The following SNTG1 variants were observed in gnomAD, a reference collection of about 807,000 sequenced individuals.
SNTG1 encodes the protein gamma-1-syntrophin.
Under a neutral mutation model 74.7 loss-of-function variants are expected in SNTG1, and 39 were observed. That is an observed-to-expected ratio of 0.52 (90% CI 0.40 to 0.68). The LOEUF is 0.68. SNTG1 is among the 30% of genes least tolerant of loss of function. SNTG1 has a pLI of 0.00. For synonymous variants in SNTG1, 254 were observed against 217.1 expected (o/e 1.17, Z -1.49); for missense variants, 685 against 609.5 (o/e 1.12, Z -1.30).
intron 12 of SNTG1, among the ~76,000 whole-genome samples, chr8:50,555,351 G>A (rs1358050938): frequency 6.6e-6 from 1 of 152,106 alleles, no homozygotes; most frequent in Non-Finnish European, 1.5e-5. Flanking sequence ...TTCTGATATG[G>A]AAAGTACTAC....
chr8:50,144,126 T>C (rs1174198830), intron 1 of SNTG1, among the ~76,000 whole-genome samples: 1 of 152,126 alleles, frequency 6.6e-6, no homozygotes, highest in Non-Finnish European at 1.5e-5. Context: ...GAAAATTTCA[T>C]CCGATTGAAT....
chr8:50,072,238 T>C (rs1225037858), intron 1 of SNTG1, among the ~76,000 whole-genome samples: 5 of 152,170 alleles, frequency 3.3e-5, no homozygotes, highest in Non-Finnish European at 5.9e-5. Context: ...AGAGGAAAAA[T>C]AGTAACTGCT....
At chr8:50,198,990 A>G (rs2065601940) in intron 2 of SNTG1, among the ~76,000 whole-genome samples, 1 of 152,242 alleles carries the variant, frequency 6.6e-6, no homozygotes, top group South Asian at 2.1e-4. Flanking sequence ...ACAGGGAATT[A>G]GTACTGAATA....
intron 4 of SNTG1, among the ~76,000 whole-genome samples, chr8:50,423,804 A>C (rs1411830920): frequency 6.6e-6 from 1 of 152,258 alleles, no homozygotes; most frequent in Admixed American, 6.5e-5. Context: ...TTGGCCAAAA[A>C]ATGTGATGAG....
At chr8:50,399,299 C>G (rs967475284) in intron 3 of SNTG1, among the ~76,000 whole-genome samples, 33 of 152,072 alleles carry the variant, frequency 2.2e-4, no homozygotes, top group Non-Finnish European at 4.0e-4. Context: ...CTTTCAGAAC[C>G]CAAAAGCGAG....
At chr8:50,557,262 A>T (rs1332367643) in intron 12 of SNTG1, among the ~76,000 whole-genome samples, 1 of 151,694 alleles carries the variant, frequency 6.6e-6, no homozygotes, top group African/African-American at 2.4e-5. Flanking sequence ...CAGCTATGCC[A>T]CATGTGGACT....
At chr8:50,004,822 A>G (rs1178634396) in intron 1 of SNTG1, among the ~76,000 whole-genome samples, 1 of 152,174 alleles carries the variant, frequency 6.6e-6, no homozygotes, top group Non-Finnish European at 1.5e-5. Context: ...ACTTAGAACT[A>G]AAAGGGCAAC....
intron 1 of SNTG1, among the ~76,000 whole-genome samples, chr8:49,942,188 C>A (rs1437295866): frequency 6.6e-6 from 1 of 152,062 alleles, no homozygotes; most frequent in Non-Finnish European, 1.5e-5. Flanking sequence ...AATTGATGCC[C>A]TATTTGTCTT....
chr8:49,926,621 T>A (rs1252012102), intron 1 of SNTG1, among the ~76,000 whole-genome samples: 1 of 152,086 alleles, frequency 6.6e-6, no homozygotes, highest in African/African-American at 2.4e-5. Context: ...AATGTAAAAT[T>A]CAAAACCACT....
chr8:50,514,726 A>G (rs1368242485), intron 9 of SNTG1, among the ~76,000 whole-genome samples: 1 of 152,180 alleles, frequency 6.6e-6, no homozygotes, highest in African/African-American at 2.4e-5. Flanking sequence ...AGTGTTCTGT[A>G]TATGTGTTAA....
At chr8:50,619,246 T>C (rs751968736) in intron 13 of SNTG1, among the ~76,000 whole-genome samples, 1 of 152,184 alleles carries the variant, frequency 6.6e-6, no homozygotes, top group Admixed American at 6.5e-5. Context: ...TTATTTTAAG[T>C]ATGATGAATA....
chr8:50,045,689 C>T (rs1419520203), intron 1 of SNTG1, among the ~76,000 whole-genome samples: 4 of 152,070 alleles, frequency 2.6e-5, no homozygotes, highest in East Asian at 1.9e-4. Flanking sequence ...CAACATACCC[C>T]ACAAAAATGA....
chr8:50,317,959 C>T (rs1400507022), intron 2 of SNTG1, among the ~76,000 whole-genome samples: 1 of 152,148 alleles, frequency 6.6e-6, no homozygotes, highest in Non-Finnish European at 1.5e-5. Flanking sequence ...GCCTCAGCAT[C>T]CCCAGTAGCT....
At chr8:50,703,111 G>A (rs7009895) in intron 15 of SNTG1, among the ~76,000 whole-genome samples, 50,920 of 151,862 alleles carry the variant, frequency 0.34, 11,089 homozygotes, top group African/African-American at 0.62. Context: ...ACATTTATAA[G>A]AAGTATTTTT....
Position 50,536,740 on chromosome 8 carries a change from C to T in SNTG1, c.612C>T (p.Cys204=), listed in dbSNP as rs35419988. Reference sequence around the variant, plus strand: ...GCTTGAGGTGGGAGAAGCGATGGTGCGACCTCAGACTGATCCCTCTACTTC... The same window carrying T: ...GCTTGAGGTGGGAGAAGCGATGGTGTGACCTCAGACTGATCCCTCTACTTC... ...SPGLRWEKRW[C]DLRLIPLLHS... is the part of the protein sequence containing the mutation. The change falls in exon 11 of 19, where the codon TGC becomes TGT. Residue 204 remains cysteine (C), a synonymous_variant. Transcript: ENST00000642720. The T allele has an allele frequency of 2.5e-6, 4 of 1,613,988 alleles. No individual in the cohort carries two copies. Among genetic ancestry groups the T allele is most frequent in the East Asian group, 2.2e-5 (1 of 44,874 alleles).
chr8:50,719,094 T>A (rs2095481571), intron 17 of SNTG1, among the ~76,000 whole-genome samples: 1 of 152,204 alleles, frequency 6.6e-6, no homozygotes, highest in Non-Finnish European at 1.5e-5. Flanking sequence ...TACAAATTAT[T>A]AGTGTGATTG....
At chr8:50,364,488 G>A (rs1198693096) in intron 2 of SNTG1, among the ~76,000 whole-genome samples, 1 of 151,908 alleles carries the variant, frequency 6.6e-6, no homozygotes, top group Non-Finnish European at 1.5e-5. Flanking sequence ...GTATATTCTG[G>A]GAATAAATAG....
intron 18 of SNTG1, among the ~76,000 whole-genome samples, chr8:50,788,316 A>G (rs2095681647): frequency 6.6e-6 from 1 of 152,046 alleles, no homozygotes; most frequent in East Asian, 1.9e-4. Context: ...ACAGAATGTA[A>G]TTTTCTCCAG....
At chr8:50,254,904 C>A (rs534796049) in intron 2 of SNTG1, among the ~76,000 whole-genome samples, 3 of 147,696 alleles carry the variant, frequency 2.0e-5, no homozygotes, top group Non-Finnish European at 3.0e-5. Flanking sequence ...GTCTCTTGCG[C>A]AAGACTTCTG....
Sources: allele counts gnomAD v4.1 joint callset (sites outside exome capture counted in the v4.1 genomes callset), GRCh38; gene constraint gnomAD v4.1.1; transcripts MANE v1.5; gene names NCBI Gene and HGNC (gene_info 2026-07-23, HGNC 2026-07-21).